The following ADCK2 variants were observed in gnomAD, a reference collection of about 807,000 sequenced individuals.
ADCK2 encodes the protein aarF domain containing kinase 2.
A neutral mutation model predicts 52.3 loss-of-function variants in ADCK2; 37 were observed. The ratio of observed to expected loss-of-function variants is 0.71; its 90% CI spans 0.54 to 0.93. The LOEUF (loss-of-function observed/expected upper bound fraction) is 0.93. Ranked by LOEUF, ADCK2 falls within the 40% of genes least tolerant of loss-of-function variation. ADCK2 has a pLI of 0.00. For synonymous variants in ADCK2, 321 were observed against 349.2 expected (o/e 0.92, Z 0.90); for missense variants, 695 against 798.7 (o/e 0.87, Z 1.56).
At chr7:140,687,892 T>TA (rs1369745341) in intron 5 of ADCK2, among the ~76,000 whole-genome samples, 1 of 147,780 alleles carries the variant, frequency 6.8e-6, no homozygotes, top group Non-Finnish European at 1.5e-5. Flanking sequence ...TTTTTTTTTT[T>TA]AAAGTTTCAA....
chr7:140,692,588 A>G (rs1355844682), intron 7 of ADCK2, among the ~76,000 whole-genome samples: 2 of 152,200 alleles, frequency 1.3e-5, no homozygotes, highest in Non-Finnish European at 2.9e-5. Context: ...CGAACTCCTG[A>G]CCTCAAGTGA....
chr7:140,689,526 AAG>A, intron 5 of ADCK2, 69 bp from the exon 6 acceptor site: 2 of 1,505,420 alleles, frequency 1.3e-6, no homozygotes, highest in Non-Finnish European at 1.8e-6. Context: ...TGAGATGAGA[AAG>A]ACGCTTGGGC....
Position 140,674,303 on chromosome 7 carries a change from G to C in ADCK2, c.933+40G>C. ...AGCTCACAGCTCACCTACCCACTGAGCTATCCCAGATCAGAAACAACCGCC... is the reference window on the plus strand; with the variant it reads ...AGCTCACAGCTCACCTACCCACTGACCTATCCCAGATCAGAAACAACCGCC... On this transcript the variant is annotated intron_variant, in intron 1 of 7. Transcript: ENST00000072869. This position sits in a 1 kb window ranked among gnomAD's most constrained non-coding sequence, Gnocchi z 4.6. 6.4e-7 allele frequency: 1 copy of C among 1,552,646 alleles called. No individual in the cohort carries two copies. The highest frequency in any genetic ancestry group is 8.7e-7 in the Non-Finnish European group (1 of 1,146,612).
chr7:140,687,107 A>G lies in ADCK2; in HGVS notation c.1423A>G (p.Thr475Ala). 1 of 1,613,440 alleles carries G rather than the reference A, an allele frequency of 6.2e-7. No individual in the cohort carries two copies. Among genetic ancestry groups the G allele is most frequent in the Non-Finnish European group, 8.5e-7 (1 of 1,179,940 alleles). The change falls in exon 5 of 8, where the codon ACT (threonine) becomes GCT (alanine). Residue 475 changes from threonine to alanine, a missense_variant. By Grantham distance (58) the Thr-to-Ala change is moderately conservative. Coordinates refer to ENST00000072869, the MANE Select transcript of ADCK2 (RefSeq NM_052853.4). Reference sequence around the variant, plus strand: ...GCTGCAGCAGGCGGACATCTGTGACACTCTGGTGGTGGCCGTGCCATCTTC... The same window carrying G: ...GCTGCAGCAGGCGGACATCTGTGACGCTCTGGTGGTGGCCGTGCCATCTTC... ...AQLQQADICD[T>A]LVVAVPSSLC...
chr7:140,684,609 G>A (rs1455986865), intron 4 of ADCK2, among the ~76,000 whole-genome samples: 1 of 152,294 alleles, frequency 6.6e-6, no homozygotes, highest in African/African-American at 2.4e-5. Flanking sequence ...AGAATGAATC[G>A]AGGAGTCAGA....
rs200347422 is a variant in ADCK2, at chr7:140,694,616, C to G, written c.1741-47C>G. 3.2e-6 allele frequency: 5 copies of G among 1,574,266 alleles called. No individual in the cohort carries two copies. In the East Asian group the frequency reaches 9.1e-5, roughly 29 times the overall value. ...AGGTGATTATCCAGAACACACGTCC[C>G]TGTATCAGCATGTTCTGAGATGAAC... is the stretch of plus-strand genomic sequence containing the variant. On this transcript the variant is annotated intron_variant, in intron 7 of 7. Transcript: ENST00000072869.
intron 2 of ADCK2, among the ~76,000 whole-genome samples, chr7:140,676,749 C>T (rs1362325627): frequency 1.3e-5 from 2 of 152,116 alleles, no homozygotes; most frequent in Non-Finnish European, 2.9e-5. Context: ...GGGCTGGGTG[C>T]GGTGGCTCAT....
chr7:140,679,991 A>G (rs1282624291), intron 3 of ADCK2, among the ~76,000 whole-genome samples: 1 of 151,910 alleles, frequency 6.6e-6, no homozygotes, highest in Non-Finnish European at 1.5e-5. Context: ...CTCTTTACAG[A>G]TGGTGATATG....
In ADCK2 at chr7:140,678,899, C is replaced by G. The variant is rs1390922986; in HGVS notation, c.1081-256C>G. Among the ~76,000 whole-genome samples, 1 of 152,158 alleles carries G rather than the reference C, an allele frequency of 6.6e-6. No homozygotes were observed. Among genetic ancestry groups the G allele is most frequent in the Non-Finnish European group, 1.5e-5 (1 of 68,030 alleles). On this transcript the variant is annotated intron_variant, in intron 2 of 7. Coordinates refer to ENST00000072869, the MANE Select transcript of ADCK2 (RefSeq NM_052853.4). The surrounding 1 kb of genome is among the most constrained non-coding windows in gnomAD (Gnocchi z 4.9). ...AGGCGGGTGGCAAGGGCGAGAGTAG[C>G]AGAGAAGCAGTGCAGCCCAAAGCCC...
In ADCK2 at chr7:140,693,541, A is replaced by G. The variant is rs1490908433; in HGVS notation, c.1741-1122A>G. 1.3e-5 allele frequency among the ~76,000 whole-genome samples: 2 copies of G among 152,194 alleles called. No individual in the cohort carries two copies. The highest frequency in any genetic ancestry group is 2.9e-5 in the Non-Finnish European group (2 of 68,044). Reference sequence around the variant, plus strand: ...TATTCCTCCTCACTCAGTGGCCTTGAGCAAGTCATTGAACCTCTCTGAGCC... The same window carrying G: ...TATTCCTCCTCACTCAGTGGCCTTGGGCAAGTCATTGAACCTCTCTGAGCC... On this transcript the variant is annotated intron_variant, in intron 7 of 7. Coordinates refer to ENST00000072869, the MANE Select transcript of ADCK2 (RefSeq NM_052853.4). The surrounding 1 kb of genome is among the most constrained non-coding windows in gnomAD (Gnocchi z 4.0).
At chr7:140,689,016 G>A (rs1794657458) in intron 5 of ADCK2, among the ~76,000 whole-genome samples, 1 of 151,114 alleles carries the variant, frequency 6.6e-6, no homozygotes, top group Admixed American at 6.6e-5. Context: ...TCCCTGGGCT[G>A]GAGTGCAGTG....
At position 140,673,702 on chromosome 7, in the gene ADCK2, C is replaced by T. The variant is rs572165336; in HGVS notation, c.372C>T (p.Pro124=). ...TCTACCCCCTCACCTACCTGGCTCC[C>T]AGCGTCTCCACCCTCTGGCTCCACC... is the stretch of plus-strand genomic sequence containing the variant. ...LLLYPLTYLA[P]SVSTLWLHLL... Residue 124 remains proline, a synonymous_variant, in exon 1 of 8, where the codon CCC becomes CCT. Transcript: ENST00000072869. This position sits in a 1 kb window ranked among gnomAD's most constrained non-coding sequence, Gnocchi z 6.4. 1 of 1,612,204 alleles carries T rather than the reference C, an allele frequency of 6.2e-7. No homozygotes were observed. The highest frequency in any genetic ancestry group is 8.5e-7 in the Non-Finnish European group (1 of 1,179,814).
At position 140,673,511 on chromosome 7, in the gene ADCK2, G is replaced by GC. The variant is rs1475448716; in HGVS notation, c.185dup (p.Asp63Ter). 1 of 1,601,156 alleles carries GC rather than the reference G, an allele frequency of 6.2e-7. No individual in the cohort carries two copies. The highest frequency in any genetic ancestry group is 1.3e-5 in the African/African-American group (1 of 74,780). On this transcript the variant is annotated frameshift_variant, in exon 1 of 8. Transcript: ENST00000072869. LOFTEE classifies it high-confidence loss of function. This position sits in a 1 kb window ranked among gnomAD's most constrained non-coding sequence, Gnocchi z 6.4. ...CCTGTGCGGGGACGTGGGTGAGGGG[G>GC]CCCCTGACGTTCTGAGTCGGCGAAG...
intron 4 of ADCK2, among the ~76,000 whole-genome samples, chr7:140,683,789 G>C (rs1173222089): frequency 6.6e-6 from 1 of 152,164 alleles, no homozygotes. Flanking sequence ...GTTGGGAAGA[G>C]GCCAGGAGCT....
intron 4 of ADCK2, 81 bp from the exon 5 acceptor site, chr7:140,686,909 G>T (rs1794612549): frequency 9.0e-6 from 14 of 1,558,852 alleles, no homozygotes; most frequent in Admixed American, 1.7e-5. Flanking sequence ...GGAGCTTATT[G>T]TCACCTGGCA....
At chr7:140,675,050 C>G (rs1794372922) in intron 2 of ADCK2, among the ~76,000 whole-genome samples, 1 of 152,068 alleles carries the variant, frequency 6.6e-6, no homozygotes, top group African/African-American at 2.4e-5. Context: ...CGAGATCAGC[C>G]TGGCCAACAT....
At chr7:140,695,109 CCTGTTTTT>C in exon 8 of ADCK2, 1 of 1,117,890 alleles carries the variant, frequency 8.9e-7, no homozygotes, top group Non-Finnish European at 1.1e-6. Flanking sequence ...ATTTTGTTTT[CCTGTTTTT>C]CTCATTTCTT....
rs932407726 is a variant in ADCK2, at chr7:140,678,174, G to A, written c.1081-981G>A. ...GCCTTGGGAGTGGCATTGGGGGACA[G>A]GGACTGATCTGAGGGCGGTGAGGCT... On this transcript the variant is annotated intron_variant, in intron 2 of 7. Coordinates refer to ENST00000072869, the MANE Select transcript of ADCK2 (RefSeq NM_052853.4). This position sits in a 1 kb window ranked among gnomAD's most constrained non-coding sequence, Gnocchi z 4.9. 9.2e-5 allele frequency among the ~76,000 whole-genome samples: 14 copies of A among 152,220 alleles called. No individual in the cohort carries two copies. Among genetic ancestry groups the A allele is most frequent in the African/African-American group, 3.4e-4 (14 of 41,456 alleles).
intron 5 of ADCK2, among the ~76,000 whole-genome samples, chr7:140,687,834 C>T (rs62485849): frequency 6.7e-6 from 1 of 149,450 alleles, no homozygotes; most frequent in Admixed American, 6.7e-5. Flanking sequence ...GCTAGGATTG[C>T]ACTGCTCTAC....
Sources: allele counts gnomAD v4.1 joint callset (sites outside exome capture counted in the v4.1 genomes callset), GRCh38; gene constraint gnomAD v4.1.1; non-coding constraint Gnocchi (gnomAD v3.1); transcripts MANE v1.5; gene names NCBI Gene and HGNC (gene_info 2026-07-23, HGNC 2026-07-21).